EBF1: variants seen among roughly 807,000 people sequenced by gnomAD.
EBF1 encodes transcription factor COE1.
A neutral mutation model predicts 68.4 loss-of-function variants in EBF1; 10 were observed. The observed-to-expected ratio is 0.15, with a 90% CI of 0.09 to 0.25. The LOEUF is 0.25. Ranked by LOEUF, EBF1 falls within the 10% of genes least tolerant of loss-of-function variation. The pLI, the probability that EBF1 is intolerant of heterozygous loss-of-function variation, is 1.00. For synonymous variants in EBF1, 298 were observed against 299.8 expected (o/e 0.99, Z 0.06); for missense variants, 509 against 794.4 (o/e 0.64, Z 4.32).
chr5:158,755,787 G>A (rs1769940683), intron 10 of EBF1, among the ~76,000 whole-genome samples: 1 of 152,078 alleles, frequency 6.6e-6, no homozygotes, highest in African/African-American at 2.4e-5. Context: ...AGGATTTGGG[G>A]AGAACCTCTA....
intron 6 of EBF1, among the ~76,000 whole-genome samples, chr5:158,909,971 A>AAAAAG (rs1562276722): frequency 6.7e-6 from 1 of 149,914 alleles, no homozygotes; most frequent in Non-Finnish European, 1.5e-5. Context: ...AAAAAAAAAA[A>AAAAAG]AAAAAAAAAA....
intron 10 of EBF1, among the ~76,000 whole-genome samples, chr5:158,770,225 AT>A (rs1773601370): frequency 6.6e-6 from 1 of 152,120 alleles, no homozygotes; most frequent in East Asian, 1.9e-4. Flanking sequence ...TGTCTCCCTC[AT>A]CCCCACATCT....
At chr5:158,959,069 T>A (rs1435859340) in intron 6 of EBF1, among the ~76,000 whole-genome samples, 2 of 152,276 alleles carry the variant, frequency 1.3e-5, no homozygotes, top group East Asian at 3.9e-4. Flanking sequence ...GGAGGGATTA[T>A]TTAAAGGACT....
intron 6 of EBF1, among the ~76,000 whole-genome samples, chr5:158,915,575 G>T (rs1583136434): frequency 6.6e-6 from 1 of 152,128 alleles, no homozygotes; most frequent in Non-Finnish European, 1.5e-5. Context: ...AGCAATCGGG[G>T]TGGGGGGAAT....
In EBF1 at chr5:158,978,625, ATT is replaced by A. The variant is rs11358125; in HGVS notation, c.554+94769_554+94770del. Among the ~76,000 whole-genome samples, 1,339 of 149,330 alleles carry A rather than the reference ATT, an allele frequency of 9.0e-3. 15 individuals carry two copies. The highest frequency in any genetic ancestry group is 0.028 in the African/African-American group (1,138 of 40,764). ...CGCTGCCAACATAAACAGTGACATC[ATT>A]TTTTTTTTTTTACATTATCTGGAAA... On this transcript the variant is annotated intron_variant, in intron 6 of 15. Coordinates refer to ENST00000313708, the MANE Select transcript of EBF1 (RefSeq NM_024007.5).
rs1783281339 is a variant in EBF1 at position 159,099,654 on chromosome 5, T to TA, written c.-177dup. 1 of 743,546 alleles carries TA rather than the reference T, an allele frequency of 1.3e-6. No homozygotes were observed. The highest frequency in any genetic ancestry group is 1.9e-6 in the Non-Finnish European group (1 of 513,526). 46.1% of individuals were successfully genotyped at this position (743,546 alleles called of 1,614,324 possible). ...CAAGGCGGGCTGGAAAGCAAATTTTTAAAAAATGTAAACCTCTGCTCAAAA... is the reference window on the plus strand; with the variant it reads ...CAAGGCGGGCTGGAAAGCAAATTTTTAAAAAAATGTAAACCTCTGCTCAAAA... On this transcript the variant is annotated 5_prime_UTR_variant, in exon 1 of 16. Coordinates refer to ENST00000313708, the MANE Select transcript of EBF1 (RefSeq NM_024007.5).
intron 6 of EBF1, among the ~76,000 whole-genome samples, chr5:159,046,960 CA>C (rs1379751528): frequency 2.0e-5 from 3 of 152,222 alleles, no homozygotes; most frequent in Admixed American, 1.3e-4. Context: ...CAACACTGGA[CA>C]GAATCCGTAC....
rs535586153 is a variant in EBF1 at position 159,033,007 on chromosome 5, C to A, written c.554+40389G>T. On this transcript the variant is annotated intron_variant, in intron 6 of 15. Coordinates refer to ENST00000313708, the MANE Select transcript of EBF1 (RefSeq NM_024007.5). ...TACCTTCTCCACCCTCCCACATCCG[C>A]CCCCACCCCCAAACTAAATATAGAG... is the stretch of plus-strand genomic sequence containing the variant. Among the ~76,000 whole-genome samples the A allele has an allele frequency of 5.3e-5, 8 of 152,052 alleles. No homozygotes were observed. In the South Asian group the frequency reaches 1.7e-3, roughly 32 times the overall value.
intron 6 of EBF1, among the ~76,000 whole-genome samples, chr5:159,013,310 G>A (rs1353145629): frequency 6.6e-6 from 1 of 152,172 alleles, no homozygotes; most frequent in East Asian, 1.9e-4. Context: ...TGCCCTCAGT[G>A]AGCTTACAGA....
chr5:159,045,120 A>G (rs1430457742), intron 6 of EBF1, among the ~76,000 whole-genome samples: 1 of 152,168 alleles, frequency 6.6e-6, no homozygotes, highest in East Asian at 1.9e-4. Flanking sequence ...GGAAAAAAAG[A>G]AACTTTGGTT....
chr5:159,001,633 G>A (rs1413360908), intron 6 of EBF1, among the ~76,000 whole-genome samples: 1 of 152,004 alleles, frequency 6.6e-6, no homozygotes, highest in Non-Finnish European at 1.5e-5. Flanking sequence ...CCTTCATCTT[G>A]TCCTTTTTGG....
rs140588080 is a variant in EBF1 at position 159,032,704 on chromosome 5, T to C, written c.554+40692A>G. Among the ~76,000 whole-genome samples, 51 of 152,342 alleles carry C rather than the reference T, an allele frequency of 3.3e-4. No homozygotes were observed. The East Asian group carries it at 9.4e-3, about 28-fold the overall frequency. On this transcript the variant is annotated intron_variant, in intron 6 of 15. Transcript: ENST00000313708. Reference sequence around the variant, plus strand: ...TCAAAGCATCTCACTAATATTTATTTTGGAATTGTCATGAACAGTATTATG... The same window carrying C: ...TCAAAGCATCTCACTAATATTTATTCTGGAATTGTCATGAACAGTATTATG...
chr5:158,988,240 C>G (rs1407443710), intron 6 of EBF1, among the ~76,000 whole-genome samples: 1 of 152,210 alleles, frequency 6.6e-6, no homozygotes, highest in African/African-American at 2.4e-5. Context: ...GCCCCCCCTT[C>G]TCTTCGTAAT....
intron 6 of EBF1, among the ~76,000 whole-genome samples, chr5:158,901,920 G>A (rs993022765): frequency 1.3e-5 from 2 of 152,076 alleles, no homozygotes; most frequent in Admixed American, 1.3e-4. Context: ...GTACAACCCT[G>A]TCTCTACTAA....
At chr5:158,808,771 G>A (rs1376251238) in intron 8 of EBF1, among the ~76,000 whole-genome samples, 1 of 152,048 alleles carries the variant, frequency 6.6e-6, no homozygotes, top group Non-Finnish European at 1.5e-5. Flanking sequence ...AGGAAAATAG[G>A]GAAGAAGAAA....
chr5:158,781,440 A>G (rs553956998), intron 9 of EBF1, among the ~76,000 whole-genome samples: 4 of 151,070 alleles, frequency 2.6e-5, no homozygotes, highest in Admixed American at 6.6e-5. Context: ...CTGATTTCCA[A>G]ATCTACACTT....
chr5:159,087,210 T>C (rs971663370), intron 4 of EBF1, among the ~76,000 whole-genome samples: 5 of 150,576 alleles, frequency 3.3e-5, no homozygotes, highest in Admixed American at 2.0e-4. Context: ...CTAAAAGAAG[T>C]AAGCTGGTAA....
At chr5:158,734,617 C>A (rs1185396495) in intron 10 of EBF1, among the ~76,000 whole-genome samples, 1 of 152,042 alleles carries the variant, frequency 6.6e-6, no homozygotes. Context: ...AATCCTTCAA[C>A]AAAGTGACCT....
intron 6 of EBF1, among the ~76,000 whole-genome samples, chr5:158,987,584 C>CAT (rs1210151229): frequency 1.3e-5 from 2 of 152,186 alleles, no homozygotes; most frequent in Non-Finnish European, 2.9e-5. Flanking sequence ...TTCACACAGA[C>CAT]ATAGGCTCCA....
Sources: gnomAD v4.1 joint callset for allele counts (sites outside exome capture counted in the v4.1 genomes callset) on GRCh38, gnomAD v4.1.1 for gene constraint, MANE v1.5 for transcripts, NCBI Gene and HGNC (gene_info 2026-07-23, HGNC 2026-07-21) for gene names.